SPOCK1: variants seen among roughly 807,000 people sequenced by gnomAD.
The protein encoded by SPOCK1 is testican-1.
A neutral mutation model predicts 55.3 loss-of-function variants in SPOCK1; 23 were observed. That is an observed-to-expected ratio of 0.42 (90% confidence interval 0.30 to 0.59). The LOEUF is 0.59. Ranked by LOEUF, SPOCK1 falls within the 20% of genes least tolerant of loss-of-function variation. The pLI, the probability that SPOCK1 is intolerant of heterozygous loss-of-function variation, is 0.22. For synonymous variants in SPOCK1, 226 were observed against 221.0 expected (o/e 1.02, Z -0.20); for missense variants, 499 against 552.5 (o/e 0.90, Z 0.97).
chr5:137,226,034 A>T (rs1354939165), intron 3 of SPOCK1, among the ~76,000 whole-genome samples: 4 of 152,198 alleles, frequency 2.6e-5, no homozygotes, highest in Non-Finnish European at 5.9e-5. Context: ...ACAGCTCAAC[A>T]GGGACATCCA....
At chr5:137,426,132 A>G (rs1192518640) in intron 2 of SPOCK1, among the ~76,000 whole-genome samples, 1 of 152,256 alleles carries the variant, frequency 6.6e-6, no homozygotes, top group Non-Finnish European at 1.5e-5. Flanking sequence ...TCCATAAAAT[A>G]GACATGACAA....
At chr5:137,412,116 T>G (rs1025220294) in intron 2 of SPOCK1, among the ~76,000 whole-genome samples, 1 of 152,118 alleles carries the variant, frequency 6.6e-6, no homozygotes, top group Non-Finnish European at 1.5e-5. Context: ...ACGAGCCCAA[T>G]GCAACAGTGT....
intron 2 of SPOCK1, among the ~76,000 whole-genome samples, chr5:137,280,239 A>T (rs963189442): frequency 6.6e-6 from 1 of 152,230 alleles, no homozygotes; most frequent in African/African-American, 2.4e-5. Flanking sequence ...ACACATCAAT[A>T]AGGACATATT....
chr5:137,374,032 T>A (rs1271842040), intron 2 of SPOCK1, among the ~76,000 whole-genome samples: 1 of 152,250 alleles, frequency 6.6e-6, no homozygotes, highest in Non-Finnish European at 1.5e-5. Flanking sequence ...AGTGGGCAGA[T>A]CAACACATGT....
At chr5:137,422,437 T>A (rs1486660349) in intron 2 of SPOCK1, among the ~76,000 whole-genome samples, 1 of 152,244 alleles carries the variant, frequency 6.6e-6, no homozygotes, top group Non-Finnish European at 1.5e-5. Context: ...AGACGTAGAT[T>A]TGATCTTTTC....
At chr5:137,233,743 A>ATTT (rs1756119242) in intron 3 of SPOCK1, among the ~76,000 whole-genome samples, 1 of 75,528 alleles carries the variant, frequency 1.3e-5, no homozygotes, top group African/African-American at 5.1e-5. Flanking sequence ...TTTTTTGGTT[A>ATTT]TTGATCTTGT....
chr5:137,056,073 C>T (rs1752293655), intron 6 of SPOCK1, among the ~76,000 whole-genome samples: 1 of 152,226 alleles, frequency 6.6e-6, no homozygotes, highest in Non-Finnish European at 1.5e-5. Flanking sequence ...TCAGTTACTT[C>T]ATTCCACAAA....
intron 3 of SPOCK1, among the ~76,000 whole-genome samples, chr5:137,245,981 A>G (rs1756388153): frequency 1.3e-5 from 2 of 152,192 alleles, no homozygotes; most frequent in South Asian, 2.1e-4. Flanking sequence ...TATAATAACT[A>G]TAACACCTAT....
intron 2 of SPOCK1, among the ~76,000 whole-genome samples, chr5:137,474,319 G>T (rs1475256467): frequency 6.6e-6 from 1 of 152,090 alleles, no homozygotes; most frequent in Non-Finnish European, 1.5e-5. Flanking sequence ...ATACACCGTA[G>T]AATACAATAA....
At chr5:137,448,042 G>T (rs1227352129) in intron 2 of SPOCK1, among the ~76,000 whole-genome samples, 1 of 152,186 alleles carries the variant, frequency 6.6e-6, no homozygotes, top group Admixed American at 6.5e-5. Flanking sequence ...GAGGTCAGCA[G>T]TTCGAGACCA....
intron 3 of SPOCK1, among the ~76,000 whole-genome samples, chr5:137,170,620 T>TCC (rs1385489914): frequency 2.0e-5 from 3 of 150,776 alleles, no homozygotes; most frequent in Non-Finnish European, 4.4e-5. Flanking sequence ...TCTCTCTCTC[T>TCC]CTGTGGACAC....
At chr5:137,067,863 G>T (rs762849147) in intron 5 of SPOCK1, 34 bp from the exon 6 acceptor site, 2 of 1,578,930 alleles carry the variant, frequency 1.3e-6, no homozygotes, top group Non-Finnish European at 1.7e-6. Context: ...TCTTAAGAAT[G>T]CAGCCATAAC....
At chr5:137,033,396 T>C (rs1162140956) in intron 6 of SPOCK1, among the ~76,000 whole-genome samples, 3 of 152,226 alleles carry the variant, frequency 2.0e-5, no homozygotes, top group Admixed American at 6.5e-5. Flanking sequence ...CAAACCCCTA[T>C]TCCTTTTTTC....
At chr5:137,352,672 T>G (rs989808609) in intron 2 of SPOCK1, among the ~76,000 whole-genome samples, 1 of 150,188 alleles carries the variant, frequency 6.7e-6, no homozygotes, top group Non-Finnish European at 1.5e-5. Flanking sequence ...AGAAGAAAGG[T>G]GGGGAAGAGG....
intron 4 of SPOCK1, among the ~76,000 whole-genome samples, chr5:137,139,816 T>C (rs1754060249): frequency 6.6e-6 from 1 of 152,190 alleles, no homozygotes; most frequent in African/African-American, 2.4e-5. Context: ...AAAGCCCGTT[T>C]GCATGTGTAT....
chr5:137,086,210 C>T (rs886718235), intron 5 of SPOCK1, among the ~76,000 whole-genome samples: 1 of 152,156 alleles, frequency 6.6e-6, no homozygotes, highest in Non-Finnish European at 1.5e-5. Context: ...CCCTGCATCT[C>T]TCACTGCATC....
At chr5:137,153,199 G>C (rs1754351479) in intron 3 of SPOCK1, among the ~76,000 whole-genome samples, 1 of 152,226 alleles carries the variant, frequency 6.6e-6, no homozygotes, top group Admixed American at 6.5e-5. Flanking sequence ...CCCCTGACAT[G>C]TGTCTGCTGT....
intron 2 of SPOCK1, among the ~76,000 whole-genome samples, chr5:137,352,441 C>T (rs993566577): frequency 3.3e-5 from 5 of 152,218 alleles, no homozygotes; most frequent in Admixed American, 6.5e-5. Context: ...GAGGATGCCG[C>T]ATTCTTGGAC....
intron 2 of SPOCK1, among the ~76,000 whole-genome samples, chr5:137,385,331 G>A (rs1211309218): frequency 6.6e-6 from 1 of 152,174 alleles, no homozygotes; most frequent in Non-Finnish European, 1.5e-5. Flanking sequence ...CCCATGCTTG[G>A]AAACTGGCTC....
Sources: gnomAD v4.1 joint callset for allele counts (sites outside exome capture counted in the v4.1 genomes callset) on GRCh38, gnomAD v4.1.1 for gene constraint, MANE v1.5 for transcripts, NCBI Gene and HGNC (gene_info 2026-07-23, HGNC 2026-07-21) for gene names.